ZNF385D: variants seen among roughly 807,000 people sequenced by gnomAD.
The protein encoded by ZNF385D is zinc finger protein 659.
ZNF385D carries 15 observed loss-of-function variants against 35.8 expected under a neutral mutation model. That is an observed-to-expected ratio of 0.42 (90% CI 0.28 to 0.64). ZNF385D has a LOEUF of 0.64. Ranked by LOEUF, ZNF385D falls within the 30% of genes least tolerant of loss-of-function variation. The probability of loss-of-function intolerance (pLI) is 0.23; values close to 1 mark genes in which losing one functional copy is unlikely to be tolerated. For missense variants in ZNF385D, 474 were observed against 494.6 expected (o/e 0.96, Z 0.39); for synonymous variants, 212 against 186.8 (o/e 1.13, Z -1.10).
chr3:22,144,797 A>C (rs2125709617), intron 3 of ZNF385D, among the ~76,000 whole-genome samples: 1 of 152,260 alleles, frequency 6.6e-6, no homozygotes, highest in South Asian at 2.1e-4. Flanking sequence ...TTATTCTCTT[A>C]GCTGTATTTT....
At chr3:22,162,933 G>C (rs1196246957) in intron 3 of ZNF385D, among the ~76,000 whole-genome samples, 2 of 152,156 alleles carry the variant, frequency 1.3e-5, no homozygotes, top group African/African-American at 4.8e-5. Flanking sequence ...CAAGTAGTGG[G>C]CTGGAGATCT....
intron 2 of ZNF385D, among the ~76,000 whole-genome samples, chr3:21,582,753 T>TTTTATTTATTTATTTA (rs34190489): frequency 4.2e-4 from 63 of 150,728 alleles, no homozygotes; most frequent in African/African-American, 1.5e-3. Context: ...TTTTTAACAC[T>TTTTATTTATTTATTTA]TTTATTTATT....
intron 3 of ZNF385D, among the ~76,000 whole-genome samples, chr3:21,883,864 G>A (rs542529043): frequency 3.3e-5 from 5 of 152,030 alleles, no homozygotes; most frequent in South Asian, 4.1e-4. Context: ...CAGAACAATC[G>A]GTCTGAGACT....
At chr3:22,307,120 C>T (rs1360625491) in intron 2 of ZNF385D, among the ~76,000 whole-genome samples, 2 of 152,084 alleles carry the variant, frequency 1.3e-5, no homozygotes, top group African/African-American at 2.4e-5. Flanking sequence ...AGTTTCTGCG[C>T]CCTAAAAGGA....
At chr3:22,187,541 T>A (rs545050638) in intron 2 of ZNF385D, among the ~76,000 whole-genome samples, 1 of 152,090 alleles carries the variant, frequency 6.6e-6, no homozygotes, top group Non-Finnish European at 1.5e-5. Flanking sequence ...TACATAGATA[T>A]TCCATTTCAT....
intron 2 of ZNF385D, among the ~76,000 whole-genome samples, chr3:21,567,576 A>AAAT (rs1416378829): frequency 6.6e-6 from 1 of 152,064 alleles, no homozygotes; most frequent in Admixed American, 6.6e-5. Context: ...GCTGACGGAA[A>AAAT]AATTAAAAGC....
chr3:22,192,350 C>T (rs1326280939), intron 2 of ZNF385D, among the ~76,000 whole-genome samples: 2 of 152,152 alleles, frequency 1.3e-5, no homozygotes, highest in Non-Finnish European at 2.9e-5. Flanking sequence ...GTTCTAGCCA[C>T]TTCTAAGATT....
At chr3:21,580,468 A>ATGAT (rs1274277910) in intron 2 of ZNF385D, among the ~76,000 whole-genome samples, 4 of 152,196 alleles carry the variant, frequency 2.6e-5, no homozygotes, top group African/African-American at 9.7e-5. Context: ...AACCATATAA[A>ATGAT]TGATTATCCC....
intron 2 of ZNF385D, among the ~76,000 whole-genome samples, chr3:22,298,552 T>TACACACACAC (rs562535043): frequency 3.5e-4 from 49 of 141,294 alleles, no homozygotes; most frequent in East Asian, 1.2e-3. Context: ...TTTATGTATA[T>TACACACACAC]ACACACATAC....
chr3:22,326,795 G>C (rs760911718), intron 2 of ZNF385D, among the ~76,000 whole-genome samples: 14 of 152,086 alleles, frequency 9.2e-5, no homozygotes, highest in Non-Finnish European at 1.8e-4. Flanking sequence ...TCTGTGTAAG[G>C]AACACCCACA....
chr3:22,109,140 A>G (rs1225112085), intron 3 of ZNF385D, among the ~76,000 whole-genome samples: 1 of 152,150 alleles, frequency 6.6e-6, no homozygotes. Flanking sequence ...AGGAAACCAT[A>G]TTTGACTTCT....
In ZNF385D at chr3:22,008,390, T is replaced by C. The variant is rs1222951248; in HGVS notation, c.325+160427A>G. 1.7e-4 allele frequency among the ~76,000 whole-genome samples: 21 copies of C among 121,026 alleles called. No individual in the cohort carries two copies. In the Admixed American group the frequency reaches 1.8e-3, roughly 10 times the overall value. The allele number at this position is 121,026 out of a possible 152,430, so 79.4% of individuals were successfully genotyped here. ...TTTTTTTTGAGGCGGAGTCTCGCTG[T>C]TGCCCAGGTTGGAGTGCAGTGGCCC... is the stretch of plus-strand genomic sequence containing the variant. On this transcript the variant is annotated intron_variant, in intron 3 of 5. Transcript: ENST00000494108.
At chr3:21,777,123 T>C (rs981037457) in intron 3 of ZNF385D, among the ~76,000 whole-genome samples, 1 of 151,938 alleles carries the variant, frequency 6.6e-6, no homozygotes, top group African/African-American at 2.4e-5. Flanking sequence ...TTTAATTACA[T>C]TATGTAAACT....
At chr3:21,590,247 G>A (rs1047892996) in intron 2 of ZNF385D, among the ~76,000 whole-genome samples, 1 of 152,012 alleles carries the variant, frequency 6.6e-6, no homozygotes, top group African/African-American at 2.4e-5. Context: ...AGTAATGGGA[G>A]GTTACTATGT....
chr3:21,896,879 G>A (rs1404832332), intron 3 of ZNF385D, among the ~76,000 whole-genome samples: 1 of 151,412 alleles, frequency 6.6e-6, no homozygotes, highest in Non-Finnish European at 1.5e-5. Flanking sequence ...CTGCAATGGA[G>A]AATTCTGGCC....
chr3:21,817,308 G>A (rs1261615277), intron 3 of ZNF385D, among the ~76,000 whole-genome samples: 1 of 152,078 alleles, frequency 6.6e-6, no homozygotes, highest in East Asian at 1.9e-4. Context: ...CAAAAGCAAT[G>A]GCAACAAAAG....
intron 3 of ZNF385D, among the ~76,000 whole-genome samples, chr3:21,910,832 C>A (rs1420102645): frequency 6.6e-6 from 1 of 151,350 alleles, no homozygotes; most frequent in East Asian, 1.9e-4. Flanking sequence ...ATAAATGTGA[C>A]TCATAATTTC....
intron 1 of ZNF385D, among the ~76,000 whole-genome samples, chr3:21,750,626 C>T (rs1459144655): frequency 6.6e-6 from 1 of 152,096 alleles, no homozygotes; most frequent in Non-Finnish European, 1.5e-5. Context: ...TTCATTCAGG[C>T]AAATCAAGGC....
chr3:22,045,005 C>G (rs1006767972), intron 3 of ZNF385D, among the ~76,000 whole-genome samples: 1 of 152,080 alleles, frequency 6.6e-6, no homozygotes, highest in Non-Finnish European at 1.5e-5. Flanking sequence ...AAGAGCAAAA[C>G]TCAATCTCGA....
Sources: allele counts gnomAD v4.1 joint callset (sites outside exome capture counted in the v4.1 genomes callset), GRCh38; gene constraint gnomAD v4.1.1; transcripts MANE v1.5; gene names NCBI Gene and HGNC (gene_info 2026-07-23, HGNC 2026-07-21).